Variants in ACO1 observed in about 807,000 individuals in gnomAD.
ACO1 encodes the protein aconitase 1, also known as cytoplasmic aconitate hydratase.
ACO1 carries 78 observed loss-of-function variants against 105.1 expected under a neutral mutation model. The ratio of observed to expected loss-of-function variants is 0.74; its 90% confidence interval spans 0.62 to 0.90. The LOEUF (loss-of-function observed/expected upper bound fraction) is 0.90. ACO1 is among the 40% of genes least tolerant of loss of function. ACO1 has a pLI of 0.00. For synonymous variants in ACO1, 364 were observed against 397.4 expected (o/e 0.92, Z 1.00); for missense variants, 965 against 1,111.1 (o/e 0.87, Z 1.87).
intron 14 of ACO1, among the ~76,000 whole-genome samples, chr9:32,431,072 G>T (rs1273456205): frequency 7.2e-5 from 11 of 152,180 alleles, no homozygotes; most frequent in Admixed American, 7.2e-4. Flanking sequence ...ACGTACAGTT[G>T]ATCCTCGTTA....
intron 14 of ACO1, 100 bp downstream of exon 14, chr9:32,430,674 C>G: frequency 7.8e-7 from 1 of 1,284,132 alleles, no homozygotes; most frequent in Non-Finnish European, 1.1e-6. Flanking sequence ...CATAGAGCCT[C>G]CAGGGATAAG....
At chr9:32,424,798 T>C (rs765953802) in intron 10 of ACO1, 133 bp downstream of exon 10, 1 of 659,366 alleles carries the variant, frequency 1.5e-6, no homozygotes, top group South Asian at 1.9e-5. Context: ...TTCTTCCTTC[T>C]GAAGTCCTTA....
chr9:32,389,782 A>G (rs1371397150), intron 1 of ACO1, among the ~76,000 whole-genome samples: 1 of 143,712 alleles, frequency 7.0e-6, no homozygotes, highest in Non-Finnish European at 1.5e-5. Context: ...ATAATTGGCC[A>G]ATTTTGTTTC....
intron 1 of ACO1, among the ~76,000 whole-genome samples, chr9:32,401,842 T>C (rs898842234): frequency 1.3e-5 from 2 of 152,228 alleles, no homozygotes; most frequent in African/African-American, 2.4e-5. Flanking sequence ...AGACTGTCCA[T>C]GCCCACCCCC....
Position 32,415,298 on chromosome 9 carries a change from T to C in ACO1, c.405-2830T>C, listed in dbSNP as rs368995995. On this transcript the variant is annotated intron_variant, in intron 4 of 20. Coordinates refer to ENST00000309951, the MANE Select transcript of ACO1 (RefSeq NM_002197.3). Reference sequence around the variant, plus strand: ...TGCATGATGATTTATATTTTAGAAATGATTGAGGTGACCATACCAAAGGTA... The same window carrying C: ...TGCATGATGATTTATATTTTAGAAACGATTGAGGTGACCATACCAAAGGTA... Among the ~76,000 whole-genome samples, 19 of 152,326 alleles carry C rather than the reference T, an allele frequency of 1.2e-4. No individual in the cohort carries two copies. In the South Asian group the frequency reaches 3.5e-3, roughly 28 times the overall value.
At chr9:32,412,575 A>G (rs1821762564) in intron 4 of ACO1, among the ~76,000 whole-genome samples, 1 of 152,184 alleles carries the variant, frequency 6.6e-6, no homozygotes, top group Admixed American at 6.5e-5. Flanking sequence ...GATAAAGAGA[A>G]ATCTACTTTG....
chr9:32,428,773 G>A (rs1028661775), intron 12 of ACO1, among the ~76,000 whole-genome samples: 1 of 152,154 alleles, frequency 6.6e-6, no homozygotes. Flanking sequence ...GAACCTGGGA[G>A]GTGGAGCTTG....
rs1300593402 is a variant in ACO1 at position 32,389,111 on chromosome 9, C to T, written c.-23+4376C>T. ...AGCAAGCTATTGTGCAGCCTTTACA[C>T]TGGTGTTACAAAATAGTGTTGTATA... On this transcript the variant is annotated intron_variant, in intron 1 of 20. Coordinates refer to ENST00000309951, the MANE Select transcript of ACO1 (RefSeq NM_002197.3). 2.6e-5 allele frequency among the ~76,000 whole-genome samples: 4 copies of T among 152,168 alleles called. No individual in the cohort carries two copies. In the East Asian group the frequency reaches 7.7e-4, roughly 29 times the overall value.
chr9:32,445,505 CCTT>C, intron 19 of ACO1: 1 of 187,268 alleles, frequency 5.3e-6, no homozygotes, highest in Non-Finnish European at 1.2e-5. Context: ...TTCTCTCTTT[CCTT>C]CTTTATTAGT....
At position 32,407,248 on chromosome 9, in the gene ACO1, C is replaced by T; in HGVS notation, c.98-13C>T. 6.2e-7 allele frequency: 1 copy of T among 1,613,322 alleles called. No individual in the cohort carries two copies. The highest frequency in any genetic ancestry group is 8.5e-7 in the Non-Finnish European group (1 of 1,179,500). ...TCACAGGTTTTGTTTATTTTGTCATCCTTAACTCTTAGGGCGCTTACCATT... is the reference window on the plus strand; with the variant it reads ...TCACAGGTTTTGTTTATTTTGTCATTCTTAACTCTTAGGGCGCTTACCATT... On this transcript the variant is annotated splice_polypyrimidine_tract_variant and intron_variant, in intron 2 of 20. Transcript: ENST00000309951.
In ACO1 at chr9:32,439,773, C is replaced by T. The variant is rs1822438583; in HGVS notation, c.2248-692C>T. 6.6e-6 allele frequency among the ~76,000 whole-genome samples: 1 copy of T among 152,198 alleles called. No individual in the cohort carries two copies. Among genetic ancestry groups the T allele is most frequent in the African/African-American group, 2.4e-5 (1 of 41,446 alleles). ...TGTGTTTTGCTAATTTTACAACTGA[C>T]ATCACCGAGTTTCTGATATTGAGCC... On this transcript the variant is annotated intron_variant, in intron 18 of 20. Coordinates refer to ENST00000309951, the MANE Select transcript of ACO1 (RefSeq NM_002197.3). The surrounding 1 kb of genome is among the most constrained non-coding windows in gnomAD (Gnocchi z 4.0).
intron 7 of ACO1, among the ~76,000 whole-genome samples, 162 bp downstream of exon 7, chr9:32,419,339 A>G (rs556108964): frequency 2.0e-5 from 3 of 152,370 alleles, no homozygotes; most frequent in Admixed American, 6.5e-5. Context: ...GAAGTGTTCT[A>G]TGTTAAGTTT....
At position 32,412,541 on chromosome 9, in the gene ACO1, A is replaced by G. The variant is rs144956923; in HGVS notation, c.404+3890A>G. Among the ~76,000 whole-genome samples, 32 of 152,320 alleles carry G rather than the reference A, an allele frequency of 2.1e-4. 1 individual carries two copies. In the East Asian group the frequency reaches 4.4e-3, roughly 21 times the overall value. On this transcript the variant is annotated intron_variant, in intron 4 of 20. Coordinates refer to ENST00000309951, the MANE Select transcript of ACO1 (RefSeq NM_002197.3). ...TGATCTTTCTCCAGTTAATATTGCTAACATCCAAACCAGATAAATTCAGGA... is the reference window on the plus strand; with the variant it reads ...TGATCTTTCTCCAGTTAATATTGCTGACATCCAAACCAGATAAATTCAGGA...
intron 9 of ACO1, 61 bp downstream of exon 9, chr9:32,423,480 G>T (rs754719280): frequency 1.8e-5 from 21 of 1,178,700 alleles, no homozygotes; most frequent in African/African-American, 3.1e-5. Context: ...GATTTTAGTG[G>T]TGGTTTTTCT....
chr9:32,410,749 TA>T (rs35631511), intron 4 of ACO1, among the ~76,000 whole-genome samples: 1 of 151,850 alleles, frequency 6.6e-6, no homozygotes, highest in Non-Finnish European at 1.5e-5. Context: ...GAGATGGGTG[TA>T]AAAAAAATCA....
chr9:32,421,031 A>C lies in ACO1; in HGVS notation c.970+4A>C, dbSNP rs1054029806. 3 of 1,613,308 alleles carry C rather than the reference A, an allele frequency of 1.9e-6. No individual in the cohort carries two copies. Among genetic ancestry groups the C allele is most frequent in the Non-Finnish European group, 1.7e-6 (2 of 1,179,342 alleles). On this transcript the variant is annotated splice_donor_region_variant and intron_variant, in intron 8 of 20. Transcript: ENST00000309951. ...ATCACGTACCTGGTGCAAACAGGTAAGTGAAGGGCCCTGAAAGCATCGGGC... is the reference window on the plus strand; with the variant it reads ...ATCACGTACCTGGTGCAAACAGGTACGTGAAGGGCCCTGAAAGCATCGGGC...
rs199895055 is a variant in ACO1 at position 32,431,774 on chromosome 9, C to T, written c.1782C>T (p.Asp594=). The T allele has an allele frequency of 1.9e-5, 31 of 1,614,064 alleles. No homozygotes were observed. Among genetic ancestry groups the T allele is most frequent in the African/African-American group, 6.7e-5 (5 of 74,996 alleles). ...TGAAAGATATCTGGCCGACTAGAGA[C>T]GAGATCCAGGCAGTGGAGCGTCAGT... ...VFLKDIWPTR[D]EIQAVERQYV... is the part of the protein sequence containing the mutation. Residue 594 remains aspartate (D), a synonymous_variant, in exon 15 of 21, where the codon GAC becomes GAT. Transcript: ENST00000309951.
Position 32,449,058 on chromosome 9 carries a change from C to T in ACO1, c.2533C>T (p.Pro845Ser). ...TATCATTATTCCAGAAAACCTCAAA[C>T]CACAAATGAAAGTCCAGGTCAAGGT... is the stretch of plus-strand genomic sequence containing the variant. ...YTIIIPENLK[P>S]QMKVQVKLDT... The change falls in exon 20 of 21, where the codon CCA becomes TCA. Residue 845 changes from proline to serine, a missense_variant. Coordinates refer to ENST00000309951, the MANE Select transcript of ACO1 (RefSeq NM_002197.3). 1 of 1,608,708 alleles carries T rather than the reference C, an allele frequency of 6.2e-7. No homozygotes were observed. Among genetic ancestry groups the T allele is most frequent in the Non-Finnish European group, 8.5e-7 (1 of 1,176,302 alleles).
At chr9:32,415,087 G>A (rs1274272321) in intron 4 of ACO1, among the ~76,000 whole-genome samples, 1 of 152,190 alleles carries the variant, frequency 6.6e-6, no homozygotes, top group African/African-American at 2.4e-5. Context: ...AGCATGCAAA[G>A]GCACGAGGAA....
Sources: gnomAD v4.1 joint callset for allele counts (sites outside exome capture counted in the v4.1 genomes callset) on GRCh38, gnomAD v4.1.1 for gene constraint, Gnocchi (gnomAD v3.1) non-coding constraint, MANE v1.5 for transcripts, NCBI Gene and HGNC (gene_info 2026-07-23, HGNC 2026-07-21) for gene names.